ADCY7: variants seen among roughly 807,000 people sequenced by gnomAD.
ADCY7 encodes adenylate cyclase 7, also known as adenylate cyclase type 7.
In ADCY7, 72 loss-of-function variants were observed where a neutral mutation model predicts 120.6. The observed-to-expected ratio is 0.60, with a 90% CI of 0.49 to 0.73. The LOEUF is 0.73. Among genes scored for constraint, ADCY7 ranks in the 30% least tolerant of loss-of-function variants. The pLI, the probability that ADCY7 is intolerant of heterozygous loss-of-function variation, is 0.00. For synonymous variants in ADCY7, 661 were observed against 628.0 expected (o/e 1.05, Z -0.78); for missense variants, 1,227 against 1,486.0 (o/e 0.83, Z 2.87).
At chr16:50,314,939 T>A in intron 24 of ADCY7, 75 bp from the exon 25 acceptor site, 1 of 1,579,732 alleles carries the variant, frequency 6.3e-7, no homozygotes, top group Non-Finnish European at 8.6e-7. Context: ...GGGGTATGGA[T>A]TCTCTGGCCT....
chr16:50,268,181 CT>C (rs2033338941), intron 1 of ADCY7, among the ~76,000 whole-genome samples: 1 of 152,028 alleles, frequency 6.6e-6, no homozygotes, highest in African/African-American at 2.4e-5. Flanking sequence ...TCACTGTAAC[CT>C]TTGCCTCCTG....
chr16:50,272,612 C>G (rs1252974616), intron 1 of ADCY7, among the ~76,000 whole-genome samples: 1 of 152,204 alleles, frequency 6.6e-6, no homozygotes, highest in Non-Finnish European at 1.5e-5. Context: ...CAAGCACATC[C>G]CTTGGCCTCA....
upstream of ADCY7, among the ~76,000 whole-genome samples, chr16:50,244,931 T>C (rs989394546): frequency 2.4e-4 from 17 of 71,084 alleles, no homozygotes; most frequent in African/African-American, 5.2e-4. Context: ...GGCTTGCTGC[T>C]GCTGGGATGT....
intron 4 of ADCY7, among the ~76,000 whole-genome samples, 177 bp downstream of exon 4, chr16:50,292,074 C>T (rs1460161707): frequency 2.6e-5 from 4 of 152,238 alleles, no homozygotes; most frequent in Non-Finnish European, 5.9e-5. Context: ...AGGCGTGGCC[C>T]TGCCCTCTGG....
chr16:50,293,208 G>T, intron 5 of ADCY7, 146 bp from the exon 6 acceptor site: 1 of 882,202 alleles, frequency 1.1e-6, no homozygotes, highest in East Asian at 2.6e-5. Flanking sequence ...GCAGAGATGG[G>T]GACATTGTGG....
chr16:50,315,827 G>A lies in ADCY7; in HGVS notation c.*322G>A, dbSNP rs1245832363. The stretch of plus-strand genomic sequence containing the variant: ...CTGAGGTGCCAGGCAGGCAACTTTA[G>A]CACATGATGAAAACAGACTTCCACC... On this transcript the variant is annotated 3_prime_UTR_variant, in exon 26 of 26. Transcript: ENST00000673801. The A allele has an allele frequency of 6.5e-5, 18 of 275,692 alleles. No homozygotes were observed. In the East Asian group the frequency reaches 1.3e-3, roughly 20 times the overall value. The allele number at this position is 275,692 out of a possible 1,614,324, so 17.1% of individuals were successfully genotyped here. A position where few individuals can be genotyped will look rare whatever the true frequency, so the allele number is the denominator to read the frequency against.
chr16:50,299,151 GTGAAAGCAGC>G (rs1225651625), intron 8 of ADCY7, 120 bp downstream of exon 8: 3 of 1,354,290 alleles, frequency 2.2e-6, no homozygotes, highest in Non-Finnish European at 2.9e-6. Flanking sequence ...GGGGTTGGGG[GTGAAAGCAGC>G]TTGCCTGGAC....
Sources: gnomAD v4.1 joint callset for allele counts (sites outside exome capture counted in the v4.1 genomes callset) on GRCh38, gnomAD v4.1.1 for gene constraint, MANE v1.5 for transcripts, NCBI Gene and HGNC (gene_info 2026-07-23, HGNC 2026-07-21) for gene names.